CD109: variants seen among roughly 807,000 people sequenced by gnomAD.
The protein encoded by CD109 is CD109 antigen.
CD109 carries 149 observed loss-of-function variants against 165.8 expected under a neutral mutation model. That is an observed-to-expected ratio of 0.90 (90% CI 0.79 to 1.03). The LOEUF (loss-of-function observed/expected upper bound fraction) is 1.03. CD109 is among the 50% of genes least tolerant of loss of function. CD109 has a pLI of 0.00. For missense variants in CD109, 1,712 were observed against 1,677.8 expected (o/e 1.02, Z -0.36); for synonymous variants, 585 against 592.1 (o/e 0.99, Z 0.18).
chr6:73,782,287 A>G (rs1167084599), intron 17 of CD109, among the ~76,000 whole-genome samples: 4 of 152,202 alleles, frequency 2.6e-5, no homozygotes, highest in South Asian at 4.1e-4. Context: ...CTTTCCTCAT[A>G]TAACCCTCTA....
chr6:73,696,326 CG>C (rs1720060753), intron 1 of CD109, 37 bp downstream of exon 1: 3 of 1,376,222 alleles, frequency 2.2e-6, no homozygotes, highest in Middle Eastern at 2.6e-4. Context: ...CGCGGGCGCG[CG>C]GGCCTGGGCC....
chr6:73,738,577 G>A (rs1449742613), intron 5 of CD109, among the ~76,000 whole-genome samples: 1 of 152,220 alleles, frequency 6.6e-6, no homozygotes, highest in Non-Finnish European at 1.5e-5. Context: ...ATTATACTTT[G>A]AAAGATTTAT....
intron 11 of CD109, 129 bp from the exon 12 acceptor site, chr6:73,766,630 A>T (rs1773861962): frequency 4.7e-6 from 3 of 641,924 alleles, no homozygotes. Flanking sequence ...ATGTCTGGTG[A>T]ATGTATTTTT....
intron 28 of CD109, 98 bp from the exon 29 acceptor site, chr6:73,812,107 T>G: frequency 4.2e-6 from 3 of 711,698 alleles, no homozygotes; most frequent in Admixed American, 2.4e-5. Context: ...AGTGATTGCT[T>G]CTTTTCCTAA....
At chr6:73,777,494 A>T (rs1238660745) in intron 15 of CD109, among the ~76,000 whole-genome samples, 1 of 152,030 alleles carries the variant, frequency 6.6e-6, no homozygotes, top group Non-Finnish European at 1.5e-5. Context: ...GGCTGTTCCT[A>T]TGTCCTGAAT....
Position 73,824,567 on chromosome 6 carries a change from T to C in CD109, c.*934T>C, listed in dbSNP as rs1226961704. ...GGAAAGAAGCTGGGTTTGTGGAGAA[T>C]CAGAGCATCTTGACATGACTGCTGA... On this transcript the variant is annotated 3_prime_UTR_variant, in exon 33 of 33. Coordinates refer to ENST00000287097, the MANE Select transcript of CD109 (RefSeq NM_133493.5). 1 of 152,172 alleles carries C rather than the reference T, an allele frequency of 6.6e-6. No homozygotes were observed. Among genetic ancestry groups the C allele is most frequent in the Non-Finnish European group, 1.5e-5 (1 of 68,064 alleles). The allele number at this position is 152,172 out of a possible 1,614,324, so 9.4% of individuals were successfully genotyped here.
intron 30 of CD109, among the ~76,000 whole-genome samples, chr6:73,817,621 A>T (rs1166558109): frequency 6.6e-6 from 1 of 152,228 alleles, no homozygotes; most frequent in African/African-American, 2.4e-5. Context: ...ATTGGAGGCA[A>T]ACATCTTTCC....
chr6:73,696,258 G>T lies in CD109; in HGVS notation c.43G>T (p.Val15Leu), dbSNP rs757918232. 2 of 1,537,718 alleles carry T rather than the reference G, an allele frequency of 1.3e-6. No homozygotes were observed. Among genetic ancestry groups the T allele is most frequent in the Admixed American group, 3.9e-5 (2 of 51,136 alleles). The change falls in exon 1 of 33, where the codon GTG becomes TTG. Residue 15 changes from valine (V) to leucine (L), a missense_variant. Transcript: ENST00000287097. ...PLLTAAHLLC[V>L]CTAALAVAPG... is the part of the protein sequence containing the mutation. ...CCTGACCGCCGCCCACCTCCTCTGCGTGTGCACCGCCGCGCTGGCCGTGGC... is the reference window on the plus strand; with the variant it reads ...CCTGACCGCCGCCCACCTCCTCTGCTTGTGCACCGCCGCGCTGGCCGTGGC...
At chr6:73,793,047 G>A (rs1775032971) in intron 23 of CD109, among the ~76,000 whole-genome samples, 1 of 152,146 alleles carries the variant, frequency 6.6e-6, no homozygotes, top group Non-Finnish European at 1.5e-5. Flanking sequence ...TTTCTGGTGG[G>A]AGGGCTTGTA....
intron 28 of CD109, among the ~76,000 whole-genome samples, chr6:73,811,377 A>G (rs1775754586): frequency 6.6e-6 from 1 of 152,130 alleles, no homozygotes; most frequent in Admixed American, 6.6e-5. Flanking sequence ...AACATTGGGA[A>G]AGGAATGAAC....
intron 19 of CD109, among the ~76,000 whole-genome samples, chr6:73,785,138 AAG>A (rs1774639659): frequency 6.6e-6 from 1 of 152,248 alleles, no homozygotes; most frequent in Non-Finnish European, 1.5e-5. Flanking sequence ...TGGTTGCTAT[AAG>A]GCACTTAATA....
At chr6:73,683,234 A>C in the CD109 span, among the ~76,000 whole-genome samples, 1 of 152,176 alleles carries the variant, frequency 6.6e-6, no homozygotes, top group Non-Finnish European at 1.5e-5. Flanking sequence ...ACAGCACCCA[A>C]GTCACCTCTT....
At position 73,797,961 on chromosome 6, in the gene CD109, T is replaced by A. The variant is rs1237093834; in HGVS notation, c.2878+5159T>A. ...CCTAAAATGATTAACTTAAAGGTGA[T>A]ACTCTTATTTCTTCATAAACTTTTG... On this transcript the variant is annotated intron_variant, in intron 23 of 32. Coordinates refer to ENST00000287097, the MANE Select transcript of CD109 (RefSeq NM_133493.5). 2.0e-5 allele frequency among the ~76,000 whole-genome samples: 3 copies of A among 152,218 alleles called. No individual in the cohort carries two copies. The East Asian group carries it at 5.8e-4, about 29-fold the overall frequency.
intron 7 of CD109, among the ~76,000 whole-genome samples, chr6:73,759,395 T>G (rs2150218818): frequency 6.6e-6 from 1 of 152,234 alleles, no homozygotes; most frequent in South Asian, 2.1e-4. Context: ...AGGCTGGTCT[T>G]GAACTCCTGG....
chr6:73,720,236 A>C (rs1771897008), intron 2 of CD109, among the ~76,000 whole-genome samples: 1 of 152,198 alleles, frequency 6.6e-6, no homozygotes, highest in Non-Finnish European at 1.5e-5. Context: ...CTTGGAGGAC[A>C]TTATGTTAAG....
chr6:73,767,041 C>G, intron 13 of CD109, 31 bp downstream of exon 13: 1 of 1,563,632 alleles, frequency 6.4e-7, no homozygotes. Flanking sequence ...AATTTATGAT[C>G]TATTATAGAA....
intron 23 of CD109, among the ~76,000 whole-genome samples, chr6:73,802,803 G>A (rs751883645): frequency 3.0e-4 from 45 of 151,246 alleles, no homozygotes; most frequent in Non-Finnish European, 2.8e-4. Flanking sequence ...GGGTTCAAGC[G>A]ATTCTCCTGC....
chr6:73,707,985 TA>T (rs1434592050), intron 2 of CD109, among the ~76,000 whole-genome samples: 27 of 50,758 alleles, frequency 5.3e-4, no homozygotes, highest in African/African-American at 1.2e-3. Context: ...TATATATATA[TA>T]TATATATATA....
intron 5 of CD109, among the ~76,000 whole-genome samples, chr6:73,754,481 A>T (rs1027124306): frequency 6.6e-6 from 1 of 152,182 alleles, no homozygotes; most frequent in Non-Finnish European, 1.5e-5. Flanking sequence ...GGGACTGGCA[A>T]TGTAGGAGGC....
Sources: gnomAD v4.1 joint callset for allele counts (sites outside exome capture counted in the v4.1 genomes callset) on GRCh38, gnomAD v4.1.1 for gene constraint, MANE v1.5 for transcripts, NCBI Gene and HGNC (gene_info 2026-07-23, HGNC 2026-07-21) for gene names.